Variants in SMIM3 observed in about 807,000 individuals in gnomAD.
The protein encoded by SMIM3 is small integral membrane protein 3.
A neutral mutation model predicts 2.1 loss-of-function variants in SMIM3; 4 were observed. The observed-to-expected ratio is 1.89, with a 90% CI of 0.93 to 4.31. The LOEUF is 4.31. Among genes scored for constraint, SMIM3 ranks in the 30% most tolerant of loss-of-function variants. The probability of loss-of-function intolerance (pLI) is 0.01; values close to 1 mark genes in which losing one functional copy is unlikely to be tolerated. For missense variants in SMIM3, 79 were observed against 77.7 expected, an observed-to-expected ratio of 1.02 and a Z score of -0.06; for synonymous variants, 29 against 30.8, an observed-to-expected ratio of 0.94 and a Z score of 0.19.
chr5:150,780,316 G>A (rs1175223333), intron 1 of SMIM3, among the ~76,000 whole-genome samples: 1 of 152,148 alleles, frequency 6.6e-6, no homozygotes, highest in East Asian at 1.9e-4. Flanking sequence ...TATGCAGGCC[G>A]CACAGCAGCC....
chr5:150,782,468 C>T (rs1189985537), intron 1 of SMIM3, among the ~76,000 whole-genome samples: 1 of 152,174 alleles, frequency 6.6e-6, no homozygotes, highest in Admixed American at 6.5e-5. Flanking sequence ...CTCCTCCCCA[C>T]CTCAGTCCCC....
rs370749630 is a variant in SMIM3 at position 150,780,345 on chromosome 5, C to A, written c.-12+1373C>A. On this transcript the variant is annotated intron_variant, in intron 1 of 1. Transcript: ENST00000526627. ...AGCAGCCATCTAGACACACGCAAAG[C>A]AGCACAGCTGAGCTTTAGGACATCA... 3.2e-4 allele frequency among the ~76,000 whole-genome samples: 48 copies of A among 152,284 alleles called. No individual in the cohort carries two copies. The East Asian group carries it at 3.7e-3, about 12-fold the overall frequency.
Position 150,783,618 on chromosome 5 carries a change from C to T in SMIM3, c.-12+4646C>T, listed in dbSNP as rs993965866. 2.2e-4 allele frequency among the ~76,000 whole-genome samples: 34 copies of T among 152,348 alleles called. 1 individual carries two copies. The highest frequency in any genetic ancestry group is 5.8e-4 in the East Asian group (3 of 5,178). The stretch of plus-strand genomic sequence containing the variant: ...CACCTGCCTCTATCTGCCTTGTCTC[C>T]CACTTTGAGATAATTAAGCTTGCCT... On this transcript the variant is annotated intron_variant, in intron 1 of 1. Transcript: ENST00000526627.
At chr5:150,785,007 AATTCT>A (rs1355536894) in intron 1 of SMIM3, among the ~76,000 whole-genome samples, 3 of 151,722 alleles carry the variant, frequency 2.0e-5, no homozygotes, top group African/African-American at 7.3e-5. Flanking sequence ...AAAATACTTT[AATTCT>A]ATTTCTTCCA....
At position 150,782,686 on chromosome 5, in the gene SMIM3, T is replaced by C. The variant is rs568803304; in HGVS notation, c.-12+3714T>C. 3.3e-5 allele frequency among the ~76,000 whole-genome samples: 5 copies of C among 152,322 alleles called. No homozygotes were observed. In the South Asian group the frequency reaches 1.0e-3, roughly 32 times the overall value. On this transcript the variant is annotated intron_variant, in intron 1 of 1. Transcript: ENST00000526627. The stretch of plus-strand genomic sequence containing the variant: ...AATGATAAAATCAGAGGACATCATG[T>C]TATTTTGGAGATAGTGTTCTGACTT...
intron 1 of SMIM3, among the ~76,000 whole-genome samples, chr5:150,782,752 T>C (rs1753248692): frequency 6.6e-6 from 1 of 152,240 alleles, no homozygotes; most frequent in Non-Finnish European, 1.5e-5. Flanking sequence ...GGATTCTTTC[T>C]GGACCTCTTC....
intron 1 of SMIM3, 133 bp from the exon 2 acceptor site, chr5:150,795,297 T>C (rs890864923): frequency 1.1e-6 from 1 of 901,020 alleles, no homozygotes; most frequent in Non-Finnish European, 1.8e-6. Flanking sequence ...GCCATTGTAA[T>C]TACTAATCAG....
At chr5:150,793,095 T>C (rs1159368160) in intron 1 of SMIM3, among the ~76,000 whole-genome samples, 1 of 152,170 alleles carries the variant, frequency 6.6e-6, no homozygotes, top group Admixed American at 6.5e-5. Context: ...AGTTGTTTGA[T>C]TGTGTCATCT....
chr5:150,788,392 T>C (rs1753314087), intron 1 of SMIM3, among the ~76,000 whole-genome samples: 3 of 151,934 alleles, frequency 2.0e-5, no homozygotes, highest in South Asian at 4.2e-4. Flanking sequence ...CACTCTCCTT[T>C]GGGAAACTGA....
intron 1 of SMIM3, among the ~76,000 whole-genome samples, chr5:150,792,198 T>A (rs574292049): frequency 2.6e-5 from 4 of 152,244 alleles, no homozygotes; most frequent in Admixed American, 2.6e-4. Context: ...GAATAGGAAA[T>A]AGGATTGCAA....
At position 150,795,776 on chromosome 5, in the gene SMIM3, G is replaced by A. The variant is rs1042892408; in HGVS notation, c.*153G>A. ...GAGCCAGCTGTGTGAATTTGGTCAA[G>A]GGACCTAACTCTCTGAGTTCCAGGT... On this transcript the variant is annotated 3_prime_UTR_variant, in exon 2 of 2. Coordinates refer to ENST00000526627, the MANE Select transcript of SMIM3 (RefSeq NM_032947.5). 1.9e-5 allele frequency: 15 copies of A among 778,890 alleles called. No homozygotes were observed. Among genetic ancestry groups the A allele is most frequent in the Non-Finnish European group, 2.8e-5 (14 of 498,926 alleles). The allele number at this position is 778,890 out of a possible 1,614,324, so 48.2% of individuals were successfully genotyped here.
intron 1 of SMIM3, among the ~76,000 whole-genome samples, chr5:150,783,579 C>T (rs915582339): frequency 6.6e-6 from 1 of 152,254 alleles, no homozygotes; most frequent in Non-Finnish European, 1.5e-5. Flanking sequence ...GCTAAGGCCA[C>T]ACCTGCAGGA....
At chr5:150,791,432 A>G (rs1753348803) in intron 1 of SMIM3, among the ~76,000 whole-genome samples, 1 of 151,918 alleles carries the variant, frequency 6.6e-6, no homozygotes, top group Non-Finnish European at 1.5e-5. Context: ...GCCTCTGGTG[A>G]CCACCAGAGG....
Position 150,795,528 on chromosome 5 carries a change from AC to A in SMIM3, c.90del (p.Ile31LeufsTer4), listed in dbSNP as rs1426328560. 4 of 1,612,342 alleles carry A rather than the reference AC, an allele frequency of 2.5e-6. No homozygotes were observed. Among genetic ancestry groups the A allele is most frequent in the Non-Finnish European group, 3.4e-6 (4 of 1,179,770 alleles). ...IWVIVLIILA[T>X]IVIMTSLLLC... The stretch of plus-strand genomic sequence containing the variant: ...GGTTATTGTCCTCATCATCCTGGCC[AC>A]CATTGTCATCATGACCTCGTTGTTG... On this transcript the variant is annotated frameshift_variant, in exon 2 of 2. Transcript: ENST00000526627. LOFTEE classifies it high-confidence loss of function.
intron 1 of SMIM3, among the ~76,000 whole-genome samples, chr5:150,782,225 A>T (rs1453377187): frequency 1.3e-5 from 2 of 152,112 alleles, no homozygotes; most frequent in African/African-American, 4.8e-5. Context: ...TGGCCCCTTT[A>T]TTTGGACCAA....
Position 150,779,537 on chromosome 5 carries a change from T to C in SMIM3, c.-12+565T>C, listed in dbSNP as rs532542471. 1.1e-4 allele frequency among the ~76,000 whole-genome samples: 16 copies of C among 152,216 alleles called. No individual in the cohort carries two copies. The South Asian group carries it at 3.3e-3, about 32-fold the overall frequency. On this transcript the variant is annotated intron_variant, in intron 1 of 1. Transcript: ENST00000526627. ...CATCCTTGTTTTTCCATCAGTGAAA[T>C]TGGGAAAACATTTTCTGCGTGCAGA... is the stretch of plus-strand genomic sequence containing the variant.
Position 150,795,594 on chromosome 5 carries a change from AC to A in SMIM3, c.155del (p.Thr52IlefsTer20). 1 of 1,567,522 alleles carries A rather than the reference AC, an allele frequency of 6.4e-7. No homozygotes were observed. The highest frequency in any genetic ancestry group is 2.3e-5 in the East Asian group (1 of 42,906). On this transcript the variant is annotated frameshift_variant, in exon 2 of 2. Transcript: ENST00000526627. LOFTEE classifies it high-confidence loss of function. ...ATAVIIYRMR[T>X]HPILSGAV ...TGCAGTAATCATCTATCGCATGCGG[AC>A]TCATCCGATCCTTAGTGGGGCTGTT... is the stretch of plus-strand genomic sequence containing the variant.
chr5:150,788,254 G>A (rs1279801687), intron 1 of SMIM3, among the ~76,000 whole-genome samples: 1 of 152,152 alleles, frequency 6.6e-6, no homozygotes, highest in African/African-American at 2.4e-5. Flanking sequence ...GGTCCCAGAA[G>A]TAAAATTTGA....
chr5:150,785,511 C>T (rs575516425), intron 1 of SMIM3, among the ~76,000 whole-genome samples: 6 of 151,000 alleles, frequency 4.0e-5, no homozygotes, highest in Non-Finnish European at 4.4e-5. Flanking sequence ...CTAACTGTTT[C>T]TCTTTTAAAG....
Sources: gnomAD v4.1 joint callset for allele counts (sites outside exome capture counted in the v4.1 genomes callset) on GRCh38, gnomAD v4.1.1 for gene constraint, MANE v1.5 for transcripts, NCBI Gene and HGNC (gene_info 2026-07-23, HGNC 2026-07-21) for gene names.